The following DSG2 variants were observed in gnomAD, a reference collection of about 807,000 sequenced individuals.
DSG2 encodes desmoglein-2.
In DSG2, 45 loss-of-function variants were observed where a neutral mutation model predicts 75.6. The ratio of observed to expected loss-of-function variants is 0.60; its 90% CI spans 0.47 to 0.76. The LOEUF is 0.76. Ranked by LOEUF, DSG2 falls within the 30% of genes least tolerant of loss-of-function variation. The probability of loss-of-function intolerance (pLI) is 0.00; values close to 1 mark genes in which losing one functional copy is unlikely to be tolerated. For synonymous variants in DSG2, 429 were observed against 483.9 expected (o/e 0.89, Z 1.49); for missense variants, 1,267 against 1,357.4 (o/e 0.93, Z 1.05).
Position 31,545,801 on chromosome 18 carries a change from A to G in DSG2, c.2415A>G (p.Glu805=), listed in dbSNP as rs557559509. 1.9e-6 allele frequency: 3 copies of G among 1,614,214 alleles called. No individual in the cohort carries two copies. Among genetic ancestry groups the G allele is most frequent in the Non-Finnish European group, 2.5e-6 (3 of 1,180,026 alleles). The part of the protein sequence containing the change: ...CLLVYSQEET[E]SLNASIGCCS... Reference sequence around the variant, plus strand: ...TGGTTTATTCTCAGGAAGAAACTGAATCGCTGAATGCTTCTATTGGTTGTT... The same window carrying G: ...TGGTTTATTCTCAGGAAGAAACTGAGTCGCTGAATGCTTCTATTGGTTGTT... Residue 805 remains glutamate, a synonymous_variant, in exon 15 of 15, where the codon GAA becomes GAG. Transcript: ENST00000261590.
At chr18:31,520,275 G>T (rs1370403343) in intron 3 of DSG2, among the ~76,000 whole-genome samples, 1 of 152,118 alleles carries the variant, frequency 6.6e-6, no homozygotes, top group African/African-American at 2.4e-5. Flanking sequence ...AAGATGAACT[G>T]GTGTCTATTA....
chr18:31,542,215 A>G (rs1358569561), intron 13 of DSG2: 8 of 428,202 alleles, frequency 1.9e-5, no homozygotes, highest in South Asian at 7.1e-5. Flanking sequence ...TTCTGTAACT[A>G]TAGAAGAAGG....
rs551487195 is a variant in DSG2 at position 31,545,822 on chromosome 18, T to C, written c.2436T>C (p.Gly812=). The part of the protein sequence containing the change: ...EETESLNASI[G]CCSFIEGELD... ...CTGAATCGCTGAATGCTTCTATTGG[T>C]TGTTGCAGTTTTATTGAAGGAGAGC... Residue 812 remains glycine, a synonymous_variant, in exon 15 of 15, where the codon GGT becomes GGC. Transcript: ENST00000261590. The C allele has an allele frequency of 3.7e-6, 6 of 1,614,202 alleles. No homozygotes were observed. The South Asian group carries it at 6.6e-5, about 18-fold the overall frequency.
At chr18:31,515,482 C>T (rs1358771801) in intron 1 of DSG2, among the ~76,000 whole-genome samples, 6 of 152,294 alleles carry the variant, frequency 3.9e-5, no homozygotes, top group African/African-American at 1.4e-4. Flanking sequence ...TGATCTTTCT[C>T]TTCAAAAATT....
At position 31,538,393 on chromosome 18, in the gene DSG2, GT is replaced by G. The variant is rs55812537; in HGVS notation, c.1652-349del. 1.8e-4 allele frequency among the ~76,000 whole-genome samples: 28 copies of G among 151,468 alleles called. No individual in the cohort carries two copies. The East Asian group carries it at 4.9e-3, about 26-fold the overall frequency. ...ATGTTTGAAAAATTGCCTTAATGAAGTTTTTTTTTAAAGAAATGGTAAAATA... is the reference window on the plus strand; with the variant it reads ...ATGTTTGAAAAATTGCCTTAATGAAGTTTTTTTTAAAGAAATGGTAAAATA... On this transcript the variant is annotated intron_variant, in intron 11 of 14. Transcript: ENST00000261590.
chr18:31,509,975 G>A lies in DSG2; in HGVS notation c.46-8264G>A, dbSNP rs193151905. On this transcript the variant is annotated intron_variant, in intron 1 of 14. Transcript: ENST00000261590. Reference sequence around the variant, plus strand: ...TTGAAAGCTCTTTAAGAATGGATTGGGGATAAACCAGGGATCCTCTGGGCA... The same window carrying A: ...TTGAAAGCTCTTTAAGAATGGATTGAGGATAAACCAGGGATCCTCTGGGCA... Among the ~76,000 whole-genome samples, 277 of 152,292 alleles carry A rather than the reference G, an allele frequency of 1.8e-3. 2 individuals carry two copies. Among genetic ancestry groups the A allele is most frequent in the Non-Finnish European group, 3.5e-3 (239 of 68,018 alleles).
At chr18:31,541,672 T>A (rs570201910) in intron 13 of DSG2, among the ~76,000 whole-genome samples, 1 of 152,210 alleles carries the variant, frequency 6.6e-6, no homozygotes, top group East Asian at 1.9e-4. Flanking sequence ...TTTGCAGAGG[T>A]AAGCCCACAA....
chr18:31,506,352 T>C (rs2073039226), intron 1 of DSG2, among the ~76,000 whole-genome samples: 1 of 152,208 alleles, frequency 6.6e-6, no homozygotes, highest in Admixed American at 6.5e-5. Context: ...GAAATGTAAA[T>C]TAAGATTTAC....
rs1233750153 is a variant in DSG2, at chr18:31,548,204, T to A, written c.*1461T>A. The stretch of plus-strand genomic sequence containing the variant: ...TCCCTTTTCTACAAGTTAATTTTTT[T>A]ACAAATCATTTGGGTTATCTCCTAA... On this transcript the variant is annotated 3_prime_UTR_variant, in exon 15 of 15. Coordinates refer to ENST00000261590, the MANE Select transcript of DSG2 (RefSeq NM_001943.5). The A allele has an allele frequency of 6.6e-6, 1 of 152,222 alleles. No individual in the cohort carries two copies. Among genetic ancestry groups the A allele is most frequent in the Non-Finnish European group, 1.5e-5 (1 of 68,028 alleles). The allele number at this position is 152,222 out of a possible 1,614,324, so 9.4% of individuals were successfully genotyped here.
chr18:31,530,885 T>A, intron 8 of DSG2, 102 bp from the exon 9 acceptor site: 1 of 1,186,230 alleles, frequency 8.4e-7, no homozygotes, highest in Non-Finnish European at 1.2e-6. Flanking sequence ...TCCTGTGCAT[T>A]AAATTATTGT....
chr18:31,520,977 A>C lies in DSG2; in HGVS notation c.378+13A>C, dbSNP rs894170751. 6.2e-7 allele frequency: 1 copy of C among 1,612,566 alleles called. No individual in the cohort carries two copies. Among genetic ancestry groups the C allele is most frequent in the Admixed American group, 1.7e-5 (1 of 59,932 alleles). ...ACCATTTTTTCTGGTAAGAAGAATA[A>C]TTTTAGATTTATTAGTTTGTAGTTT... On this transcript the variant is annotated intron_variant, in intron 4 of 14. Coordinates refer to ENST00000261590, the MANE Select transcript of DSG2 (RefSeq NM_001943.5).
rs1212034894 is a variant in DSG2, at chr18:31,538,834, A to G, written c.1735A>G (p.Ser579Gly). ...CCTGATTTCAGACAATCAGGGTTTT[A>G]GTTGTCCTGAAAAGCAGGTCCTTAC... ...QFLISDNQGF[S>G]CPEKQVLTLT... The change falls in exon 12 of 15, where the codon AGT becomes GGT. Residue 579 changes from serine (S) to glycine (G), a missense_variant. Transcript: ENST00000261590. The G allele has an allele frequency of 1.2e-6, 2 of 1,614,056 alleles. No individual in the cohort carries two copies. Among genetic ancestry groups the G allele is most frequent in the Non-Finnish European group, 1.7e-6 (2 of 1,180,038 alleles).
chr18:31,507,813 A>G (rs1273193471), intron 1 of DSG2, among the ~76,000 whole-genome samples: 1 of 152,086 alleles, frequency 6.6e-6, no homozygotes, highest in Non-Finnish European at 1.5e-5. Flanking sequence ...TTCCTTGTAG[A>G]TTCTGGATAT....
Position 31,521,235 on chromosome 18 carries a change from G to C in DSG2, c.515G>C (p.Ser172Thr). The change falls in exon 5 of 15, where the codon AGT becomes ACT. Residue 172 changes from serine (S) to threonine (T), a missense_variant. Transcript: ENST00000261590. Reference protein sequence around the residue: ...DVFVGSVEELSAAHTLVMKIN... With the variant: ...DVFVGSVEELTAAHTLVMKIN... ...TTTGTTGGGTCTGTTGAAGAGTTGA[G>C]TGCAGCACGTAAGAGTCTTTTTTTT... The C allele has an allele frequency of 6.2e-7, 1 of 1,612,176 alleles. No individual in the cohort carries two copies.
chr18:31,512,513 A>G (rs563702169), intron 1 of DSG2, among the ~76,000 whole-genome samples: 3 of 152,242 alleles, frequency 2.0e-5, no homozygotes, highest in Non-Finnish European at 4.4e-5. Flanking sequence ...TTCTCCATAC[A>G]GTAGCACCAG....
intron 13 of DSG2, among the ~76,000 whole-genome samples, chr18:31,541,872 A>G (rs1488920550): frequency 6.6e-6 from 1 of 152,168 alleles, no homozygotes; most frequent in Non-Finnish European, 1.5e-5. Context: ...TAATCCTAAA[A>G]TGGGCATTCC....
At chr18:31,535,178 GAGA>G (rs769208402) in intron 9 of DSG2, 89 bp from the exon 10 acceptor site, 33 of 914,096 alleles carry the variant, frequency 3.6e-5, no homozygotes, top group African/African-American at 8.4e-5. Context: ...CATATTTAAA[GAGA>G]AGAAAAGTAA....
At chr18:31,520,043 C>A in intron 3 of DSG2, 106 bp downstream of exon 3, 2 of 1,420,132 alleles carry the variant, frequency 1.4e-6, no homozygotes, top group Non-Finnish European at 9.8e-7. Flanking sequence ...GATGTGCTTA[C>A]AGAATTTTTA....
At chr18:31,537,620 A>G (rs1450985181) in intron 11 of DSG2, among the ~76,000 whole-genome samples, 1 of 151,432 alleles carries the variant, frequency 6.6e-6, no homozygotes, top group Non-Finnish European at 1.5e-5. Flanking sequence ...CTCTGTCTCA[A>G]AAAAAAAACT....
Sources: gnomAD v4.1 joint callset for allele counts (sites outside exome capture counted in the v4.1 genomes callset) on GRCh38, gnomAD v4.1.1 for gene constraint, MANE v1.5 for transcripts, NCBI Gene and HGNC (gene_info 2026-07-23, HGNC 2026-07-21) for gene names.